Variants in NAALADL2 observed in about 807,000 individuals in gnomAD.
NAALADL2 encodes N-acetylated alpha-linked acidic dipeptidase like 2, also known as inactive N-acetylated-alpha-linked acidic dipeptidase-like protein 2.
NAALADL2 carries 76 observed loss-of-function variants against 87.2 expected under a neutral mutation model. That is an observed-to-expected ratio of 0.87 (90% confidence interval 0.72 to 1.05). NAALADL2 has a LOEUF of 1.05. Among genes scored for constraint, NAALADL2 ranks in the 50% least tolerant of loss-of-function variants. NAALADL2 has a pLI of 0.00. For synonymous variants in NAALADL2, 354 were observed against 331.0 expected (o/e 1.07, Z -0.75); for missense variants, 1,089 against 945.8 (o/e 1.15, Z -1.99).
chr3:174,654,288 C>G (rs1724685041), intron 2 of NAALADL2, among the ~76,000 whole-genome samples: 1 of 151,844 alleles, frequency 6.6e-6, no homozygotes, highest in Non-Finnish European at 1.5e-5. Flanking sequence ...CTTGGGTACT[C>G]AATAAATATT....
At chr3:175,053,025 C>T (rs1755625687) in intron 1 of NAALADL2, among the ~76,000 whole-genome samples, 1 of 152,162 alleles carries the variant, frequency 6.6e-6, no homozygotes, top group Non-Finnish European at 1.5e-5. Flanking sequence ...TTGTGCAGCA[C>T]CTCTGCCTGT....
intron 10 of NAALADL2, among the ~76,000 whole-genome samples, chr3:175,619,273 G>GGAAGGAAGGAGAAGGAAA (rs1553933972): frequency 9.2e-4 from 122 of 133,274 alleles, no homozygotes; most frequent in Middle Eastern, 4.1e-3. Context: ...GGAAGGAGAA[G>GGAAGGAAGGAGAAGGAAA]GAAAGAAAGA....
At chr3:175,282,110 A>G (rs934421895) in intron 4 of NAALADL2, among the ~76,000 whole-genome samples, 1 of 152,072 alleles carries the variant, frequency 6.6e-6, no homozygotes, top group Non-Finnish European at 1.5e-5. Context: ...ATTTTATAAT[A>G]AATACTACCA....
chr3:174,947,338 A>G (rs528138502), intron 1 of NAALADL2, among the ~76,000 whole-genome samples: 25 of 152,110 alleles, frequency 1.6e-4, no homozygotes, highest in Non-Finnish European at 3.4e-4. Context: ...TTGCAAAGGA[A>G]AATTTATAAG....
chr3:174,988,978 G>C (rs529066291), intron 1 of NAALADL2, among the ~76,000 whole-genome samples: 2 of 152,286 alleles, frequency 1.3e-5, no homozygotes, highest in African/African-American at 4.8e-5. Context: ...CGTCTAGTGA[G>C]AGCCTCAAGC....
intron 9 of NAALADL2, among the ~76,000 whole-genome samples, chr3:175,532,895 G>A (rs1008400273): frequency 7.2e-5 from 11 of 152,192 alleles, no homozygotes; most frequent in African/African-American, 2.7e-4. Context: ...CATTGGTCAA[G>A]GGTATATCTT....
intron 9 of NAALADL2, among the ~76,000 whole-genome samples, chr3:175,539,484 A>AT (rs564867129): frequency 6.6e-6 from 1 of 152,054 alleles, no homozygotes; most frequent in Admixed American, 6.6e-5. Context: ...TAGTTTATTG[A>AT]TTTTTTATTT....
chr3:174,689,178 C>A (rs772213257), intron 2 of NAALADL2, among the ~76,000 whole-genome samples: 3 of 152,034 alleles, frequency 2.0e-5, no homozygotes, highest in Non-Finnish European at 4.4e-5. Flanking sequence ...ATTTCTCTCT[C>A]ATGAAAATAA....
intron 1 of NAALADL2, among the ~76,000 whole-genome samples, chr3:174,866,913 A>G (rs559869359): frequency 5.9e-5 from 9 of 151,952 alleles, no homozygotes; most frequent in African/African-American, 1.7e-4. Context: ...AATTAGACCT[A>G]TAAAAATTTC....
At chr3:175,201,275 G>T (rs1251732178) in intron 2 of NAALADL2, among the ~76,000 whole-genome samples, 1 of 152,126 alleles carries the variant, frequency 6.6e-6, no homozygotes, top group Non-Finnish European at 1.5e-5. Context: ...TCTGGTTGAT[G>T]AAAACATGTC....
chr3:175,421,486 G>A (rs937989708), intron 5 of NAALADL2, among the ~76,000 whole-genome samples: 1 of 152,012 alleles, frequency 6.6e-6, no homozygotes, highest in African/African-American at 2.4e-5. Context: ...ACCTTCTTAT[G>A]CTTAGCTATA....
chr3:175,789,762 T>A (rs1374692710), intron 13 of NAALADL2, among the ~76,000 whole-genome samples: 1 of 152,074 alleles, frequency 6.6e-6, no homozygotes, highest in Non-Finnish European at 1.5e-5. Flanking sequence ...GGTGGATATA[T>A]ATTAATAGAA....
chr3:175,289,349 CTAGTAT>C (rs1488896510), intron 4 of NAALADL2, among the ~76,000 whole-genome samples: 3 of 152,022 alleles, frequency 2.0e-5, no homozygotes, highest in African/African-American at 7.2e-5. Flanking sequence ...CAGTGTAGTA[CTAGTAT>C]AAGTACAATA....
rs1166336587 is a variant in NAALADL2, at chr3:175,467,099, G to C, written c.1448G>C (p.Arg483Thr). 2 of 1,613,946 alleles carry C rather than the reference G, an allele frequency of 1.2e-6. No homozygotes were observed. Among genetic ancestry groups the C allele is most frequent in the South Asian group, 2.2e-5 (2 of 91,082 alleles). ...CGTGCCTTGATGTCAAAAGTTAAGA[G>C]AGGGTGGAGACCAGACCGAACTATT... ...FIRALMSKVK[R>T]GWRPDRTIVF... Residue 483 changes from arginine (R) to threonine (T), a missense_variant, in exon 8 of 14, where the codon AGA becomes ACA. Arg to Thr is a moderately conservative substitution (Grantham distance 71). Transcript: ENST00000454872.
At chr3:175,305,250 A>ATG (rs66513736) in intron 4 of NAALADL2, among the ~76,000 whole-genome samples, 3,301 of 148,728 alleles carry the variant, frequency 0.022, 46 homozygotes, top group African/African-American at 0.052. Context: ...GTGTTTGTGT[A>ATG]TGTGTGTGTG....
intron 12 of NAALADL2, among the ~76,000 whole-genome samples, chr3:175,753,812 A>T (rs538139392): frequency 6.6e-6 from 1 of 152,110 alleles, no homozygotes; most frequent in African/African-American, 2.4e-5. Context: ...TTTGCCCAGG[A>T]CTTCTCATAG....
intron 2 of NAALADL2, among the ~76,000 whole-genome samples, chr3:174,680,456 T>C (rs1372711608): frequency 6.6e-6 from 1 of 152,236 alleles, no homozygotes; most frequent in African/African-American, 2.4e-5. Context: ...CCACATAGAA[T>C]GGCACTACTT....
In NAALADL2 at chr3:175,576,087, A is replaced by G; in HGVS notation, c.1700A>G (p.Asn567Ser). 2 of 1,613,378 alleles carry G rather than the reference A, an allele frequency of 1.2e-6. No homozygotes were observed. Among genetic ancestry groups the G allele is most frequent in the African/African-American group, 1.3e-5 (1 of 75,048 alleles). The change falls in exon 10 of 14, where the codon AAT (asparagine) becomes AGT (serine). Residue 567 changes from asparagine to serine, a missense_variant. Transcript: ENST00000454872. ...CTRRAQCPETNISSIQIQGDA... is the reference protein window; with the variant it reads ...CTRRAQCPETSISSIQIQGDA... ...AGAAGAGCCCAGTGCCCAGAAACCA[A>G]TATCAGTTCTATACAGATACAAGGT...
chr3:174,979,497 G>A (rs1287055189), intron 1 of NAALADL2, among the ~76,000 whole-genome samples: 1 of 151,436 alleles, frequency 6.6e-6, no homozygotes, highest in Non-Finnish European at 1.5e-5. Flanking sequence ...AGTAGAGATG[G>A]GGTTTCACCG....
Sources: gnomAD v4.1 joint callset for allele counts (sites outside exome capture counted in the v4.1 genomes callset) on GRCh38, gnomAD v4.1.1 for gene constraint, MANE v1.5 for transcripts, NCBI Gene and HGNC (gene_info 2026-07-23, HGNC 2026-07-21) for gene names.